Variants in LTBP1 observed in about 807,000 individuals in gnomAD.
LTBP1 encodes the protein latent-transforming growth factor beta-binding protein 1.
In LTBP1, 129 loss-of-function variants were observed where a neutral mutation model predicts 207.6. That is an observed-to-expected ratio of 0.62 (90% CI 0.54 to 0.72). LTBP1 has a LOEUF of 0.72. Ranked by LOEUF, LTBP1 falls within the 30% of genes least tolerant of loss-of-function variation. LTBP1 has a pLI of 0.00. For missense variants in LTBP1, 2,281 were observed against 2,217.2 expected (o/e 1.03, Z -0.58); for synonymous variants, 963 against 833.7 (o/e 1.16, Z -2.67).
At chr2:33,061,931 A>G (rs1371977722) in intron 3 of LTBP1, among the ~76,000 whole-genome samples, 2 of 152,290 alleles carry the variant, frequency 1.3e-5, no homozygotes, top group East Asian at 1.9e-4. Flanking sequence ...TTAGGAGTGG[A>G]TGAAAGTTCT....
chr2:33,363,060 G>A (rs547970494), intron 28 of LTBP1, among the ~76,000 whole-genome samples: 20 of 152,214 alleles, frequency 1.3e-4, no homozygotes, highest in Admixed American at 3.9e-4. Context: ...TTCTTAAAAG[G>A]TATATATCCT....
rs769119955 is a variant in LTBP1, at chr2:33,222,141, C to G, written c.1866C>G (p.Thr622=). ...CGGGTTATAAGCGGGTTAACAACACCTTTTGCCAAGGTAAGACTAACTGAA... is the reference window on the plus strand; with the variant it reads ...CGGGTTATAAGCGGGTTAACAACACGTTTTGCCAAGGTAAGACTAACTGAA... The part of the protein sequence containing the change: ...CLPGYKRVNN[T]FCQDINECQL... The change falls in exon 9 of 34, where the codon ACC becomes ACG. Residue 622 remains threonine, a synonymous_variant. Transcript: ENST00000404816. 1 of 1,609,426 alleles carries G rather than the reference C, an allele frequency of 6.2e-7. No homozygotes were observed. The highest frequency in any genetic ancestry group is 1.1e-5 in the South Asian group (1 of 90,992).
intron 3 of LTBP1, among the ~76,000 whole-genome samples, chr2:33,097,108 G>A (rs2079441249): frequency 6.6e-6 from 1 of 152,068 alleles, no homozygotes; most frequent in African/African-American, 2.4e-5. Flanking sequence ...AATCATATTT[G>A]CCTATAGATT....
chr2:33,148,142 G>A (rs138239319), intron 5 of LTBP1, among the ~76,000 whole-genome samples: 24 of 152,258 alleles, frequency 1.6e-4, no homozygotes, highest in East Asian at 3.9e-4. Context: ...CAGATATTTC[G>A]TTGTCTTTCC....
At chr2:32,957,293 C>T (rs1047156617) in intron 2 of LTBP1, among the ~76,000 whole-genome samples, 3 of 152,186 alleles carry the variant, frequency 2.0e-5, no homozygotes, top group African/African-American at 7.2e-5. Context: ...AGGTCTAGCT[C>T]TTGGCCTATC....
intron 5 of LTBP1, among the ~76,000 whole-genome samples, chr2:33,171,906 T>C (rs1266705020): frequency 6.6e-6 from 1 of 152,124 alleles, no homozygotes; most frequent in Non-Finnish European, 1.5e-5. Context: ...CCAGCCAAAC[T>C]AAGCTTCGGA....
chr2:33,282,585 T>TG (rs2093581771), intron 19 of LTBP1, among the ~76,000 whole-genome samples: 1 of 152,380 alleles, frequency 6.6e-6, no homozygotes, highest in African/African-American at 2.4e-5. Flanking sequence ...ACCATGTTAA[T>TG]GACTGCCCAG....
Position 33,134,620 on chromosome 2 carries a change from G to A in LTBP1, c.1034-173G>A. 2.6e-6 allele frequency: 4 copies of A among 1,533,044 alleles called. No individual in the cohort carries two copies. Among genetic ancestry groups the A allele is most frequent in the Non-Finnish European group, 3.5e-6 (4 of 1,138,678 alleles). The allele number at this position is 1,533,044 out of a possible 1,614,324, so 95.0% of individuals were successfully genotyped here. The stretch of plus-strand genomic sequence containing the variant: ...CAGAGACACCACTGAATACAGAGCA[G>A]CGAGCACTGAAGGCTTCCCTCTTTC... On this transcript the variant is annotated intron_variant, in intron 4 of 33. Transcript: ENST00000404816. The surrounding 1 kb of genome is among the most constrained non-coding windows in gnomAD (Gnocchi z 4.4).
chr2:32,986,978 C>G (rs778706449), intron 2 of LTBP1, among the ~76,000 whole-genome samples: 1 of 152,110 alleles, frequency 6.6e-6, no homozygotes, highest in African/African-American at 2.4e-5. Flanking sequence ...CTCTGATTGG[C>G]TAGGGTTGTG....
chr2:33,273,934 GT>G (rs1466809450), intron 16 of LTBP1, among the ~76,000 whole-genome samples, 153 bp downstream of exon 16: 2 of 152,146 alleles, frequency 1.3e-5, no homozygotes, highest in African/African-American at 2.4e-5. Flanking sequence ...TCAAAAAAAG[GT>G]TTGCTAAACA....
At chr2:33,374,930 C>T (rs2095118004) in intron 31 of LTBP1, among the ~76,000 whole-genome samples, 1 of 152,098 alleles carries the variant, frequency 6.6e-6, no homozygotes, top group South Asian at 2.1e-4. Flanking sequence ...GCAGCCTGGG[C>T]AACAGAGCAA....
intron 5 of LTBP1, among the ~76,000 whole-genome samples, chr2:33,162,990 T>C (rs1479559083): frequency 3.3e-5 from 5 of 152,164 alleles, no homozygotes; most frequent in African/African-American, 1.2e-4. Context: ...GCTTTATTGA[T>C]TTATTTATTG....
intron 2 of LTBP1, among the ~76,000 whole-genome samples, chr2:32,958,396 T>C (rs968578083): frequency 7.9e-5 from 12 of 152,182 alleles, no homozygotes; most frequent in Non-Finnish European, 1.5e-4. Flanking sequence ...TCCATGCCCC[T>C]CTTCTAAGAT....
chr2:33,242,259 A>T (rs2092353859), intron 9 of LTBP1, among the ~76,000 whole-genome samples: 1 of 152,182 alleles, frequency 6.6e-6, no homozygotes, highest in Non-Finnish European at 1.5e-5. Flanking sequence ...ATGTTTTGCT[A>T]CCATTGTATC....
intron 5 of LTBP1, among the ~76,000 whole-genome samples, chr2:33,154,950 C>T (rs376420755): frequency 6.6e-6 from 1 of 151,930 alleles, no homozygotes; most frequent in Non-Finnish European, 1.5e-5. Context: ...GTAAGTCCAG[C>T]GACTTGGGAG....
At chr2:33,028,360 C>A (rs115429947) in intron 3 of LTBP1, among the ~76,000 whole-genome samples, 82 of 152,234 alleles carry the variant, frequency 5.4e-4, no homozygotes, top group African/African-American at 2.0e-3. Context: ...AGTGTTGTCT[C>A]ATTTAATCTC....
rs367721832 is a variant in LTBP1 at position 33,328,532 on chromosome 2, A to G, written c.3730+13263A>G. Among the ~76,000 whole-genome samples the G allele has an allele frequency of 2.4e-4, 37 of 152,332 alleles. No individual in the cohort carries two copies. In the South Asian group the frequency reaches 7.5e-3, roughly 31 times the overall value. On this transcript the variant is annotated intron_variant, in intron 24 of 33. Transcript: ENST00000404816. ...CAAAGGAAGAGCAGGTACCTTCTTC[A>G]CAGGGCGGCAGGATGGAGTGAGCGC...
intron 24 of LTBP1, 100 bp downstream of exon 24, chr2:33,315,369 A>T: frequency 1.4e-6 from 2 of 1,419,722 alleles, no homozygotes; most frequent in South Asian, 1.2e-5. Flanking sequence ...GGTACTGCAT[A>T]ATTCAGAGCC....
At chr2:33,053,169 C>T (rs930719840) in intron 3 of LTBP1, among the ~76,000 whole-genome samples, 2 of 152,168 alleles carry the variant, frequency 1.3e-5, no homozygotes, top group African/African-American at 4.8e-5. Context: ...CCGCGCCTGG[C>T]CTAAAAGATT....
Sources: allele counts gnomAD v4.1 joint callset (sites outside exome capture counted in the v4.1 genomes callset), GRCh38; gene constraint gnomAD v4.1.1; non-coding constraint Gnocchi (gnomAD v3.1); transcripts MANE v1.5; gene names NCBI Gene and HGNC (gene_info 2026-07-23, HGNC 2026-07-21).